Variants in DDX5 observed in about 807,000 individuals in gnomAD.
DDX5 encodes the protein probable ATP-dependent RNA helicase DDX5.
Under a neutral mutation model 68.6 loss-of-function variants are expected in DDX5, and 6 were observed. The ratio of observed to expected loss-of-function variants is 0.09; its 90% CI spans 0.05 to 0.17. DDX5 has a LOEUF of 0.17. Among genes scored for constraint, DDX5 ranks in the 10% least tolerant of loss-of-function variants. The pLI is 1.00. For synonymous variants in DDX5, 350 were observed against 247.0 expected, an observed-to-expected ratio of 1.42 and a Z score of -3.91; for missense variants, 499 against 756.1, an observed-to-expected ratio of 0.66 and a Z score of 3.99.
chr17:64,506,234 C>T lies in DDX5; in HGVS notation c.-115G>A. The T allele has an allele frequency of 6.4e-7, 1 of 1,551,882 alleles. No individual in the cohort carries two copies. Among genetic ancestry groups the T allele is most frequent in the South Asian group, 1.2e-5 (1 of 84,290 alleles). ...TGCGGGGGCGGCAGCGGAGGAAGGA[C>T]ACCGATGACACCAGCCGAAGCTGCA... On this transcript the variant is annotated 5_prime_UTR_variant, in exon 1 of 13. Coordinates refer to ENST00000225792, the MANE Select transcript of DDX5 (RefSeq NM_004396.5).
At position 64,500,334 on chromosome 17, in the gene DDX5, GA is replaced by G. The variant is rs782478436; in HGVS notation, c.1442-9del. The G allele has an allele frequency of 3.1e-6, 5 of 1,594,480 alleles. No individual in the cohort carries two copies. In the Admixed American group the frequency reaches 7.1e-5, roughly 22 times the overall value. ...CTCTACCCCTGGAACGACCTGTCAAGAAAACAATTGCAAATTGATCAATTAT... is the reference window on the plus strand; with the variant it reads ...CTCTACCCCTGGAACGACCTGTCAAGAAACAATTGCAAATTGATCAATTAT... On this transcript the variant is annotated splice_polypyrimidine_tract_variant and intron_variant, in intron 12 of 12. Coordinates refer to ENST00000225792, the MANE Select transcript of DDX5 (RefSeq NM_004396.5).
chr17:64,504,994 C>T (rs1568106556), intron 1 of DDX5, 152 bp from the exon 2 acceptor site: 1 of 623,808 alleles, frequency 1.6e-6, no homozygotes, highest in Non-Finnish European at 2.6e-6. Flanking sequence ...CTCTCTCTCT[C>T]TCAACAGCCA....
intron 10 of DDX5, 35 bp downstream of exon 10, chr17:64,502,127 G>A (rs781875206): frequency 3.8e-5 from 62 of 1,613,714 alleles, no homozygotes; most frequent in Non-Finnish European, 5.2e-5. Context: ...GCTAGGTTAA[G>A]TAAGGGGGAA....
intron 1 of DDX5, chr17:64,505,805 C>T: frequency 5.9e-6 from 9 of 1,536,146 alleles, no homozygotes; most frequent in Non-Finnish European, 7.8e-6. Context: ...CAATACGCTC[C>T]CTCTCAACTC....
chr17:64,506,855 C>A (rs1206016224), upstream of DDX5: 5 of 615,170 alleles, frequency 8.1e-6, no homozygotes, highest in African/African-American at 3.7e-5. Context: ...TTTTGGTCGG[C>A]GGAGAATGGT....
Position 64,505,841 on chromosome 17 carries a change from G to A in DDX5, c.44+235C>T, listed in dbSNP as rs1370017075. The A allele has an allele frequency of 7.2e-6, 11 of 1,536,022 alleles. No individual in the cohort carries two copies. The South Asian group carries it at 9.5e-5, about 13-fold the overall frequency. On this transcript the variant is annotated intron_variant, in intron 1 of 12. Transcript: ENST00000225792. ...CCTCAACAGCTACCAAATGGCAGCCGCCCCGACAGCTCCCCAATCCCCACA... is the reference window on the plus strand; with the variant it reads ...CCTCAACAGCTACCAAATGGCAGCCACCCCGACAGCTCCCCAATCCCCACA...
chr17:64,499,856 T>C lies in DDX5; in HGVS notation c.*67A>G. ...TTCCCATGTTTCTTAAATAACTATC[T>C]TGTCAGATAACACACAATATAAAGA... On this transcript the variant is annotated 3_prime_UTR_variant, in exon 13 of 13. Coordinates refer to ENST00000225792, the MANE Select transcript of DDX5 (RefSeq NM_004396.5). 7.1e-7 allele frequency: 1 copy of C among 1,404,322 alleles called. No individual in the cohort carries two copies. Among genetic ancestry groups the C allele is most frequent in the African/African-American group, 1.4e-5 (1 of 69,958 alleles). The allele number at this position is 1,404,322 out of a possible 1,614,324, so 87.0% of individuals were successfully genotyped here.
intron 1 of DDX5, chr17:64,505,719 C>G (rs781880131): frequency 5.9e-6 from 9 of 1,535,836 alleles, no homozygotes; most frequent in Non-Finnish European, 7.8e-6. Flanking sequence ...CCCGGCCACC[C>G]CAAAAACACC....
intron 1 of DDX5, chr17:64,505,106 T>G (rs1168987758): frequency 8.2e-6 from 3 of 363,688 alleles, no homozygotes; most frequent in Non-Finnish European, 1.5e-5. Flanking sequence ...GTCGGAAACT[T>G]GTCACCCACA....
chr17:64,503,904 CATTAA>C, intron 4 of DDX5, 36 bp from the exon 5 acceptor site: 1 of 1,613,578 alleles, frequency 6.2e-7, no homozygotes, highest in Non-Finnish European at 8.5e-7. Flanking sequence ...ACAGAAATCA[CATTAA>C]AATACTCGTT....
At chr17:64,501,186 C>G (rs1367980183) in intron 11 of DDX5, 1 of 181,050 alleles carries the variant, frequency 5.5e-6, no homozygotes, top group African/African-American at 2.4e-5. Context: ...ATTACACATT[C>G]ATCAGAAGTT....
chr17:64,502,419 A>G lies in DDX5; in HGVS notation c.1094+20T>C, dbSNP rs1598148575. The G allele has an allele frequency of 2.5e-6, 4 of 1,571,492 alleles. No homozygotes were observed. The highest frequency in any genetic ancestry group is 3.5e-6 in the Non-Finnish European group (4 of 1,141,650). On this transcript the variant is annotated intron_variant, in intron 9 of 12. Coordinates refer to ENST00000225792, the MANE Select transcript of DDX5 (RefSeq NM_004396.5). ...AAGCTGTTTTAATCAATCTGCTTCA[A>G]TGGAGGAGCTCACACATACCCATCT... is the stretch of plus-strand genomic sequence containing the variant.
At position 64,504,842 on chromosome 17, in the gene DDX5, CCTGG is replaced by C; in HGVS notation, c.45-4_45-1del. ...TTCCTCCAAATCGAGGTGCACCAAACCTGGAATGAAAAAAAACGTTATTCACATT... is the reference window on the plus strand; with the variant it reads ...TTCCTCCAAATCGAGGTGCACCAAACAATGAAAAAAAACGTTATTCACATT... On this transcript the variant is annotated splice_acceptor_variant and splice_polypyrimidine_tract_variant and intron_variant, in intron 1 of 12. Coordinates refer to ENST00000225792, the MANE Select transcript of DDX5 (RefSeq NM_004396.5). LOFTEE classifies it high-confidence loss of function. The C allele has an allele frequency of 6.3e-7, 1 of 1,590,562 alleles. No homozygotes were observed. Among genetic ancestry groups the C allele is most frequent in the Admixed American group, 1.9e-5 (1 of 52,424 alleles).
At chr17:64,506,329 G>T, upstream of DDX5, 3 of 1,470,336 alleles carry the variant, frequency 2.0e-6, no homozygotes, top group African/African-American at 1.4e-5. Context: ...AGTCTGGACC[G>T]CCTCCTACGC....
intron 8 of DDX5, 142 bp downstream of exon 8, chr17:64,502,784 T>G: frequency 1.2e-6 from 1 of 868,034 alleles, no homozygotes; most frequent in Non-Finnish European, 1.7e-6. Context: ...TTTGAAGGAT[T>G]CAAGAAATTT....
upstream of DDX5, chr17:64,506,500 T>C (rs938198560): frequency 1.2e-6 from 1 of 837,454 alleles, no homozygotes; most frequent in African/African-American, 1.7e-5. Context: ...CATTCTGCAC[T>C]CTCTTGACCT....
At chr17:64,504,961 C>G (rs1555671895) in intron 1 of DDX5, 119 bp from the exon 2 acceptor site, 1 of 855,434 alleles carries the variant, frequency 1.2e-6, no homozygotes, top group African/African-American at 1.8e-5. Flanking sequence ...AGAGGTAAAC[C>G]TAGCACTGTC....
intron 11 of DDX5, chr17:64,501,412 T>G (rs59298349): frequency 0.034 from 5,340 of 156,742 alleles, 109 homozygotes; most frequent in Middle Eastern, 0.13. Flanking sequence ...AGCACTTTCT[T>G]TTCCCACTTA....
At chr17:64,506,463 C>T (rs1360254253), upstream of DDX5, 16 of 1,215,836 alleles carry the variant, frequency 1.3e-5, 1 homozygote, top group East Asian at 2.5e-4. Flanking sequence ...TCTCTCAGGT[C>T]AGGGCCCACC....
Sources: gnomAD v4.1 joint callset for allele counts on GRCh38, gnomAD v4.1.1 for gene constraint, MANE v1.5 for transcripts, NCBI Gene and HGNC (gene_info 2026-07-23, HGNC 2026-07-21) for gene names.